Variants in SLCO1B1 observed in about 807,000 individuals in gnomAD.
SLCO1B1 encodes solute carrier organic anion transporter family member 1B1.
Under a neutral mutation model 70.1 loss-of-function variants are expected in SLCO1B1, and 81 were observed. That is an observed-to-expected ratio of 1.16 (90% CI 0.97 to 1.39). The LOEUF is 1.39. SLCO1B1 is among the 40% of genes most tolerant of loss of function. SLCO1B1 has a pLI of 0.00. For missense variants in SLCO1B1, 895 were observed against 799.6 expected, an observed-to-expected ratio of 1.12 and a Z score of -1.44; for synonymous variants, 283 against 271.5, an observed-to-expected ratio of 1.04 and a Z score of -0.42.
chr12:21,160,005 G>A (rs1006437580), intron 2 of SLCO1B1, among the ~76,000 whole-genome samples: 18 of 148,348 alleles, frequency 1.2e-4, no homozygotes, highest in African/African-American at 3.5e-4. Flanking sequence ...CATGCTTATA[G>A]ATAGGAAGAA....
At chr12:21,189,094 A>G (rs114631892) in intron 7 of SLCO1B1, among the ~76,000 whole-genome samples, 1,615 of 152,304 alleles carry the variant, frequency 0.011, 27 homozygotes, top group African/African-American at 0.036. Context: ...TGGTCTCTTC[A>G]AGATAATGAT....
Position 21,147,905 on chromosome 12 carries a change from A to C in SLCO1B1, c.84+6247A>C, listed in dbSNP as rs939263171. On this transcript the variant is annotated intron_variant, in intron 2 of 14. Transcript: ENST00000256958. Reference sequence around the variant, plus strand: ...CCTGACTTTTTAATGATCGCTTCCAACTGGCGTGAGATAGTATCTCATTGC... The same window carrying C: ...CCTGACTTTTTAATGATCGCTTCCACCTGGCGTGAGATAGTATCTCATTGC... 6.6e-5 allele frequency among the ~76,000 whole-genome samples: 10 copies of C among 152,128 alleles called. 1 individual carries two copies. The highest frequency in any genetic ancestry group is 2.4e-4 in the African/African-American group (10 of 41,416).
intron 2 of SLCO1B1, among the ~76,000 whole-genome samples, chr12:21,163,216 G>T (rs938335309): frequency 6.6e-6 from 1 of 151,816 alleles, no homozygotes; most frequent in Non-Finnish European, 1.5e-5. Context: ...TTCTTTTAAT[G>T]ACATTTCCTA....
chr12:21,184,008 A>C (rs1940934835), intron 7 of SLCO1B1, among the ~76,000 whole-genome samples: 1 of 152,064 alleles, frequency 6.6e-6, no homozygotes, highest in Admixed American at 6.5e-5. Context: ...GAGCTTAAAA[A>C]CCAGTTTTTA....
intron 2 of SLCO1B1, among the ~76,000 whole-genome samples, chr12:21,171,734 G>C (rs1940757909): frequency 1.3e-5 from 2 of 152,164 alleles, no homozygotes; most frequent in African/African-American, 4.8e-5. Context: ...TCCGGAGGCT[G>C]AGAATTCTGA....
chr12:21,224,010 A>G (rs955080108), intron 13 of SLCO1B1, among the ~76,000 whole-genome samples: 4 of 152,200 alleles, frequency 2.6e-5, no homozygotes, highest in African/African-American at 2.4e-5. Flanking sequence ...TATCATTGTG[A>G]TCAGAACACT....
intron 1 of SLCO1B1, among the ~76,000 whole-genome samples, chr12:21,138,040 C>T (rs913769733): frequency 1.3e-5 from 2 of 152,166 alleles, no homozygotes; most frequent in African/African-American, 4.8e-5. Flanking sequence ...TTCCCTTCTC[C>T]AATTCAGAAA....
chr12:21,186,599 C>A (rs1232177501), intron 7 of SLCO1B1, among the ~76,000 whole-genome samples: 1 of 151,824 alleles, frequency 6.6e-6, no homozygotes, highest in Non-Finnish European at 1.5e-5. Context: ...ATATATAATG[C>A]AGATTGAGGT....
chr12:21,157,265 T>G (rs185770993), intron 2 of SLCO1B1, among the ~76,000 whole-genome samples: 23 of 152,254 alleles, frequency 1.5e-4, no homozygotes, highest in African/African-American at 4.6e-4. Context: ...AGTCCACAGA[T>G]GGGTTCCTGA....
At chr12:21,234,209 G>A (rs1322835554) in intron 14 of SLCO1B1, among the ~76,000 whole-genome samples, 1 of 152,018 alleles carries the variant, frequency 6.6e-6, no homozygotes, top group Non-Finnish European at 1.5e-5. Flanking sequence ...CTGTCCTCTC[G>A]TGCTGAGTCA....
rs373584856 is a variant in SLCO1B1, at chr12:21,201,753, A to C, written c.1136-738A>C. On this transcript the variant is annotated intron_variant, in intron 9 of 14. Coordinates refer to ENST00000256958, the MANE Select transcript of SLCO1B1 (RefSeq NM_006446.5). Reference sequence around the variant, plus strand: ...CTCATAGAAATTATCTGCTCCAACAAATATCCTCAGCCACACTGCCTTTTG... The same window carrying C: ...CTCATAGAAATTATCTGCTCCAACACATATCCTCAGCCACACTGCCTTTTG... 1.2e-4 allele frequency among the ~76,000 whole-genome samples: 19 copies of C among 152,240 alleles called. No homozygotes were observed. In the East Asian group the frequency reaches 2.5e-3, roughly 20 times the overall value.
At chr12:21,217,338 T>G (rs1270224496) in intron 12 of SLCO1B1, 35 bp downstream of exon 12, 1 of 1,529,084 alleles carries the variant, frequency 6.5e-7, no homozygotes, top group African/African-American at 1.4e-5. Flanking sequence ...TTCATATGCA[T>G]GAGACTATAA....
chr12:21,211,941 T>C (rs1341738225), intron 11 of SLCO1B1, among the ~76,000 whole-genome samples: 1 of 150,322 alleles, frequency 6.7e-6, no homozygotes, highest in Non-Finnish European at 1.5e-5. Context: ...GTCTATTAGA[T>C]TCTTCTCTCT....
intron 11 of SLCO1B1, among the ~76,000 whole-genome samples, chr12:21,215,257 G>T (rs1041083177): frequency 3.3e-5 from 5 of 152,180 alleles, no homozygotes; most frequent in Non-Finnish European, 7.3e-5. Flanking sequence ...CTTTGCTCCT[G>T]TTCTTAAGAA....
At chr12:21,133,088 G>T (rs1460333156) in intron 1 of SLCO1B1, among the ~76,000 whole-genome samples, 2 of 152,070 alleles carry the variant, frequency 1.3e-5, no homozygotes, top group Non-Finnish European at 2.9e-5. Flanking sequence ...ATTAAATAGG[G>T]AATCCTTTCC....
intron 14 of SLCO1B1, among the ~76,000 whole-genome samples, chr12:21,232,279 A>G (rs1591751951): frequency 6.6e-6 from 1 of 152,222 alleles, no homozygotes; most frequent in Non-Finnish European, 1.5e-5. Context: ...TTCCAGTGCA[A>G]CCGATTTCAA....
chr12:21,216,600 C>A (rs1444018918), intron 11 of SLCO1B1, among the ~76,000 whole-genome samples: 1 of 152,084 alleles, frequency 6.6e-6, no homozygotes, highest in East Asian at 1.9e-4. Context: ...TTTATGCCTG[C>A]TAAATTAAAA....
At chr12:21,172,887 T>A in intron 3 of SLCO1B1, 96 bp downstream of exon 3, 8 of 1,179,766 alleles carry the variant, frequency 6.8e-6, no homozygotes, top group Non-Finnish European at 9.7e-6. Flanking sequence ...AATTTATCTC[T>A]CACAGGCAAT....
intron 11 of SLCO1B1, among the ~76,000 whole-genome samples, chr12:21,213,080 G>C (rs1268620346): frequency 6.6e-6 from 1 of 151,492 alleles, no homozygotes; most frequent in East Asian, 2.0e-4. Context: ...AGTTAATATT[G>C]TTATGTGTGA....
Sources: allele counts gnomAD v4.1 joint callset (sites outside exome capture counted in the v4.1 genomes callset), GRCh38; gene constraint gnomAD v4.1.1; transcripts MANE v1.5; gene names NCBI Gene and HGNC (gene_info 2026-07-23, HGNC 2026-07-21).